The following FHIP1A variants were observed in gnomAD, a reference collection of about 807,000 sequenced individuals.
FHIP1A encodes the protein FHF complex subunit HOOK interacting protein 1A.
In FHIP1A, 61 loss-of-function variants were observed where a neutral mutation model predicts 88.6. That is an observed-to-expected ratio of 0.69 (90% CI 0.56 to 0.85). FHIP1A has a LOEUF of 0.85. Among genes scored for constraint, FHIP1A ranks in the 40% least tolerant of loss-of-function variants. The probability of loss-of-function intolerance (pLI) is 0.00; values close to 1 mark genes in which losing one functional copy is unlikely to be tolerated. For synonymous variants in FHIP1A, 478 were observed against 496.0 expected, an observed-to-expected ratio of 0.96 and a Z score of 0.48; for missense variants, 1,154 against 1,273.5, an observed-to-expected ratio of 0.91 and a Z score of 1.43.
intron 11 of FHIP1A, among the ~76,000 whole-genome samples, chr4:151,652,126 A>G (rs777364417): frequency 1.8e-4 from 27 of 152,188 alleles, no homozygotes; most frequent in African/African-American, 5.8e-4. Context: ...CATTCCTGGG[A>G]AATGTGTAAA....
At chr4:151,653,678 G>A (rs991741889) in intron 11 of FHIP1A, among the ~76,000 whole-genome samples, 5 of 152,150 alleles carry the variant, frequency 3.3e-5, no homozygotes, top group South Asian at 4.1e-4. Context: ...AGTCCAGACC[G>A]GAAATGAGAC....
At chr4:151,542,996 A>G (rs1055149233) in intron 3 of FHIP1A, among the ~76,000 whole-genome samples, 2 of 152,212 alleles carry the variant, frequency 1.3e-5, no homozygotes, top group South Asian at 2.1e-4. Flanking sequence ...TATTGTTATT[A>G]TGTTGCCTAA....
chr4:151,515,456 C>A (rs1731197158), intron 3 of FHIP1A, among the ~76,000 whole-genome samples: 3 of 151,828 alleles, frequency 2.0e-5, no homozygotes, highest in East Asian at 1.9e-4. Context: ...CTGGCCAGGG[C>A]AATTAGGCAG....
chr4:151,604,323 C>T (rs1474533040), intron 7 of FHIP1A, among the ~76,000 whole-genome samples: 1 of 152,062 alleles, frequency 6.6e-6, no homozygotes, highest in Non-Finnish European at 1.5e-5. Flanking sequence ...CCCTGCTTCC[C>T]TGCTCTTTCC....
At chr4:151,482,062 T>A (rs535132314) in intron 2 of FHIP1A, among the ~76,000 whole-genome samples, 5 of 152,288 alleles carry the variant, frequency 3.3e-5, no homozygotes, top group East Asian at 1.9e-4. Context: ...GAATTGTCAG[T>A]ATCTAGAGAG....
chr4:151,569,934 T>A (rs1453062943), intron 4 of FHIP1A, among the ~76,000 whole-genome samples: 1 of 152,184 alleles, frequency 6.6e-6, no homozygotes, highest in East Asian at 1.9e-4. Context: ...CTTTCAGGAA[T>A]GGTTGCATTC....
At chr4:151,413,579 C>T (rs575589284) in intron 1 of FHIP1A, among the ~76,000 whole-genome samples, 19 of 152,204 alleles carry the variant, frequency 1.2e-4, no homozygotes, top group African/African-American at 4.1e-4. Context: ...CTCAACCTCC[C>T]GAGTAGCTGG....
chr4:151,557,802 A>T (rs1234155581), intron 3 of FHIP1A, among the ~76,000 whole-genome samples: 1 of 152,176 alleles, frequency 6.6e-6, no homozygotes, highest in Admixed American at 6.5e-5. Flanking sequence ...CAGAAATTAG[A>T]TCCTCCTTTA....
intron 5 of FHIP1A, among the ~76,000 whole-genome samples, chr4:151,585,399 C>T (rs1734173992): frequency 6.6e-6 from 1 of 152,132 alleles, no homozygotes; most frequent in South Asian, 2.1e-4. Context: ...GGACTGGTCT[C>T]AAACTCCTGG....
intron 7 of FHIP1A, among the ~76,000 whole-genome samples, chr4:151,590,083 T>A (rs1424632780): frequency 1.3e-5 from 2 of 152,218 alleles, no homozygotes; most frequent in Non-Finnish European, 2.9e-5. Flanking sequence ...GTTAACTTTA[T>A]GTTTGTCAGT....
intron 2 of FHIP1A, among the ~76,000 whole-genome samples, chr4:151,479,858 T>A (rs182552086): frequency 6.6e-5 from 10 of 152,216 alleles, no homozygotes; most frequent in Admixed American, 3.3e-4. Flanking sequence ...ATTTATGCCA[T>A]CTGGAAATGA....
chr4:151,560,043 C>T (rs17027683), intron 3 of FHIP1A, among the ~76,000 whole-genome samples: 4,010 of 152,232 alleles, frequency 0.026, 177 homozygotes, highest in African/African-American at 0.09. Context: ...CGGGGCACCT[C>T]ATGGACCCTT....
intron 2 of FHIP1A, among the ~76,000 whole-genome samples, chr4:151,480,283 C>G (rs992538716): frequency 6.6e-6 from 1 of 151,888 alleles, no homozygotes; most frequent in Non-Finnish European, 1.5e-5. Flanking sequence ...TAACTGATAC[C>G]CAGCAATGCC....
In FHIP1A at chr4:151,634,288, G is replaced by A. The variant is rs531133878; in HGVS notation, c.1147-4389G>A. 7.9e-5 allele frequency among the ~76,000 whole-genome samples: 12 copies of A among 151,732 alleles called. No homozygotes were observed. The South Asian group carries it at 1.5e-3, about 18-fold the overall frequency. ...AGAAGAACAAATAGAAAGACATTCC[G>A]TGTTCATGGATTGAAAAACTTATTT... On this transcript the variant is annotated intron_variant, in intron 8 of 13. Transcript: ENST00000435205.
intron 8 of FHIP1A, among the ~76,000 whole-genome samples, chr4:151,633,467 G>A (rs1453788876): frequency 6.6e-6 from 1 of 151,956 alleles, no homozygotes; most frequent in African/African-American, 2.4e-5. Context: ...TATGAGGCCA[G>A]TGTTGCCCTA....
At chr4:151,648,760 T>C (rs1427395529) in intron 10 of FHIP1A, among the ~76,000 whole-genome samples, 4 of 151,654 alleles carry the variant, frequency 2.6e-5, no homozygotes, top group African/African-American at 4.9e-5. Context: ...TGATAGACTA[T>C]ATATTTTTCC....
intron 8 of FHIP1A, among the ~76,000 whole-genome samples, chr4:151,637,211 T>G (rs1212788618): frequency 1.3e-5 from 2 of 152,038 alleles, no homozygotes; most frequent in Non-Finnish European, 2.9e-5. Flanking sequence ...ACTATAAAAC[T>G]CTTAGAAGAA....
intron 1 of FHIP1A, among the ~76,000 whole-genome samples, chr4:151,444,790 G>A (rs906173407): frequency 7.2e-5 from 11 of 152,074 alleles, no homozygotes; most frequent in African/African-American, 2.4e-4. Context: ...CTACAGTGTA[G>A]CACTGCATTG....
At chr4:151,486,591 T>C (rs530055199) in intron 3 of FHIP1A, among the ~76,000 whole-genome samples, 57 of 152,252 alleles carry the variant, frequency 3.7e-4, no homozygotes, top group African/African-American at 1.4e-3. Flanking sequence ...AACTGAAAAC[T>C]TGGGGCCAGA....
Sources: gnomAD v4.1 joint callset for allele counts (sites outside exome capture counted in the v4.1 genomes callset) on GRCh38, gnomAD v4.1.1 for gene constraint, MANE v1.5 for transcripts, NCBI Gene and HGNC (gene_info 2026-07-23, HGNC 2026-07-21) for gene names.